The following LYPD5 variants were observed in gnomAD, a reference collection of about 807,000 sequenced individuals.
LYPD5 encodes ly6/PLAUR domain-containing protein 5.
A neutral mutation model predicts 19.1 loss-of-function variants in LYPD5; 21 were observed. The observed-to-expected ratio is 1.10, with a 90% CI of 0.78 to 1.58. The LOEUF (loss-of-function observed/expected upper bound fraction) is 1.58, where lower values mean the gene tolerates loss of function less well. Among genes scored for constraint, LYPD5 ranks in the 40% most tolerant of loss-of-function variants. LYPD5 has a pLI of 0.00. For synonymous variants in LYPD5, 128 were observed against 142.7 expected (o/e 0.90, Z 0.74); for missense variants, 287 against 329.8 (o/e 0.87, Z 1.00).
At position 43,797,761 on chromosome 19, in the gene LYPD5, T is replaced by TGGTGGTGCCCTC. The variant is rs1390957980; in HGVS notation, c.574_585dup (p.Glu192_Thr195dup). 6 of 1,613,544 alleles carry TGGTGGTGCCCTC rather than the reference T, an allele frequency of 3.7e-6. 1 individual carries two copies. In the South Asian group the frequency reaches 6.6e-5, roughly 18 times the overall value. ...TGGAGGTCGATGGCTGTCCAGGGGC[T>TGGTGGTGCCCTC]GGTGGTGCCCTCGGTGGTGCAGGAG... is the stretch of plus-strand genomic sequence containing the variant. On this transcript the variant is annotated inframe_insertion, in exon 5 of 5. Transcript: ENST00000377950.
chr19:43,809,359 G>A (rs902262949), intron 1 of LYPD5, among the ~76,000 whole-genome samples: 1 of 151,524 alleles, frequency 6.6e-6, no homozygotes, highest in Non-Finnish European at 1.5e-5. Context: ...ACAGTGATTT[G>A]TGCCAAGTGA....
chr19:43,809,900 G>A (rs1330324207), intron 1 of LYPD5, among the ~76,000 whole-genome samples: 3 of 152,168 alleles, frequency 2.0e-5, no homozygotes, highest in South Asian at 2.1e-4. Flanking sequence ...AAATCAACAC[G>A]TCTTTCCATT....
At chr19:43,816,955 T>G (rs1437193878) in intron 1 of LYPD5, among the ~76,000 whole-genome samples, 4 of 152,234 alleles carry the variant, frequency 2.6e-5, no homozygotes, top group African/African-American at 9.6e-5. Flanking sequence ...CTGCTATGAT[T>G]GTGAGGCCTC....
At chr19:43,804,254 T>C (rs531471), upstream of LYPD5, among the ~76,000 whole-genome samples, 23,738 of 152,028 alleles carry the variant, frequency 0.16, 2,559 homozygotes, top group East Asian at 0.47. Flanking sequence ...TCAAGGGAGA[T>C]AGCACCCCTA....
intron 1 of LYPD5, among the ~76,000 whole-genome samples, chr19:43,801,480 G>A (rs142550145): frequency 0.014 from 2,115 of 152,192 alleles, 46 homozygotes; most frequent in African/African-American, 0.049. Flanking sequence ...CAGCCTGGGC[G>A]ACAGAGCAAG....
At chr19:43,801,038 A>G (rs760085772) in intron 1 of LYPD5, among the ~76,000 whole-genome samples, 4 of 38,828 alleles carry the variant, frequency 1.0e-4, no homozygotes, top group Non-Finnish European at 2.5e-4. Context: ...ACATGGAGAG[A>G]AAAAAAAAAA....
chr19:43,814,606 T>C (rs978628121), intron 1 of LYPD5, among the ~76,000 whole-genome samples: 4 of 152,230 alleles, frequency 2.6e-5, no homozygotes, highest in South Asian at 2.1e-4. Flanking sequence ...TCCCGTAATA[T>C]GATAATTTAG....
At chr19:43,811,717 G>A (rs1357205116) in intron 1 of LYPD5, among the ~76,000 whole-genome samples, 2 of 121,508 alleles carry the variant, frequency 1.6e-5, no homozygotes, top group African/African-American at 6.6e-5. Context: ...GAAAGAAAGA[G>A]GGAAGGAGAG....
intron 1 of LYPD5, among the ~76,000 whole-genome samples, chr19:43,813,507 G>A (rs1970343963): frequency 1.3e-5 from 2 of 152,232 alleles, no homozygotes; most frequent in African/African-American, 4.8e-5. Context: ...TTATTGCAAT[G>A]CCAAACAGAC....
At chr19:43,815,758 G>A (rs977776733) in intron 1 of LYPD5, 2 of 416,622 alleles carry the variant, frequency 4.8e-6, no homozygotes, top group Non-Finnish European at 9.4e-6. Flanking sequence ...TTATTTTTGA[G>A]ACGGAGTTTC....
intron 1 of LYPD5, among the ~76,000 whole-genome samples, chr19:43,812,036 G>A (rs1970328216): frequency 6.6e-6 from 1 of 152,106 alleles, no homozygotes; most frequent in African/African-American, 2.4e-5. Context: ...TGGAGGGTTG[G>A]GTGGTGGCTG....
intron 1 of LYPD5, among the ~76,000 whole-genome samples, chr19:43,811,029 C>G (rs368657835): frequency 6.6e-6 from 1 of 152,166 alleles, no homozygotes; most frequent in African/African-American, 2.4e-5. Flanking sequence ...GTTTCTAATA[C>G]AGCTTTAAAA....
chr19:43,815,072 G>A (rs960135799), intron 1 of LYPD5, among the ~76,000 whole-genome samples: 2 of 152,200 alleles, frequency 1.3e-5, no homozygotes, highest in Non-Finnish European at 2.9e-5. Context: ...AACCATTATG[G>A]ATAGAGGTGA....
At chr19:43,798,694 C>G (rs943499541) in intron 3 of LYPD5, 93 bp from the exon 4 acceptor site, 1 of 1,585,076 alleles carries the variant, frequency 6.3e-7, no homozygotes, top group South Asian at 1.1e-5. Context: ...CCTAGCACGT[C>G]TCGGGGGTTG....
intron 1 of LYPD5, chr19:43,820,411 CCAT>C (rs1970408911): frequency 6.6e-6 from 1 of 152,556 alleles, no homozygotes; most frequent in African/African-American, 2.4e-5. Flanking sequence ...CACGGACGGT[CCAT>C]CACACGCGGC....
At position 43,799,745 on chromosome 19, in the gene LYPD5, G is replaced by C. The variant is rs188086193; in HGVS notation, c.154C>G (p.Pro52Ala). 1 of 1,613,982 alleles carries C rather than the reference G, an allele frequency of 6.2e-7. No individual in the cohort carries two copies. Among genetic ancestry groups the C allele is most frequent in the Admixed American group, 1.7e-5 (1 of 60,020 alleles). Residue 52 changes from proline to alanine, a missense_variant, in exon 2 of 5, where the codon CCT becomes GCT. Coordinates refer to ENST00000377950, the MANE Select transcript of LYPD5 (RefSeq NM_001031749.3). ...AGGATAGCCTCAAAGCACTCATGAG[G>C]ACAGGAGATGCTGGGCAGCTTCATG... is the stretch of plus-strand genomic sequence containing the variant. Reference protein sequence around the residue: ...RAMKLPSISCPHECFEAILSL... With the variant: ...RAMKLPSISCAHECFEAILSL...
chr19:43,811,266 G>A (rs1970321358), intron 1 of LYPD5, among the ~76,000 whole-genome samples: 1 of 149,798 alleles, frequency 6.7e-6, no homozygotes, highest in Non-Finnish European at 1.5e-5. Context: ...GACAGCTTGA[G>A]CCCAGGAGAT....
chr19:43,813,261 A>G (rs1344323866), intron 1 of LYPD5, among the ~76,000 whole-genome samples: 1 of 152,112 alleles, frequency 6.6e-6, no homozygotes, highest in Non-Finnish European at 1.5e-5. Flanking sequence ...GCCCTCCCAC[A>G]GTAATGAGTT....
chr19:43,798,891 G>C lies in LYPD5; in HGVS notation c.291C>G (p.Tyr97Ter). Residue 97 changes from tyrosine (Y) to a stop codon, truncating the protein, a stop_gained, in exon 3 of 5, where the codon TAC becomes TAG. Transcript: ENST00000377950. LOFTEE classifies it high-confidence loss of function. ...CAGTTGTGCAGCCGCGCACCACCGA[G>C]TAGTCTGGCGGCAGCGCGTCCGCGT... ...QSNADALPPD[Y>*]SVVRGCTTDK... 7 of 1,605,044 alleles carry C rather than the reference G, an allele frequency of 4.4e-6. No homozygotes were observed. Among genetic ancestry groups the C allele is most frequent in the East Asian group, 2.2e-5 (1 of 44,538 alleles).
Sources: gnomAD v4.1 joint callset for allele counts (sites outside exome capture counted in the v4.1 genomes callset) on GRCh38, gnomAD v4.1.1 for gene constraint, MANE v1.5 for transcripts, NCBI Gene and HGNC (gene_info 2026-07-23, HGNC 2026-07-21) for gene names.